PAFAH1B2: variants seen among roughly 807,000 people sequenced by gnomAD.
PAFAH1B2 encodes the protein platelet activating factor acetylhydrolase 1b catalytic subunit 2.
Under a neutral mutation model 28.0 loss-of-function variants are expected in PAFAH1B2, and 8 were observed. The observed-to-expected ratio is 0.29, with a 90% CI of 0.17 to 0.52. PAFAH1B2 has a LOEUF of 0.52. PAFAH1B2 is among the 20% of genes least tolerant of loss of function. The probability of loss-of-function intolerance (pLI) is 0.97; values close to 1 mark genes in which losing one functional copy is unlikely to be tolerated. For synonymous variants in PAFAH1B2, 104 were observed against 103.2 expected, an observed-to-expected ratio of 1.01 and a Z score of -0.05; for missense variants, 190 against 282.6, an observed-to-expected ratio of 0.67 and a Z score of 2.35.
chr11:117,149,754 A>G (rs7115562), intron 1 of PAFAH1B2, among the ~76,000 whole-genome samples: 113,784 of 151,722 alleles, frequency 0.75, 43,339 homozygotes, highest in Non-Finnish European at 0.82. Flanking sequence ...ATCTATAAAA[A>G]GAAAAAATAG....
intron 1 of PAFAH1B2, 42 bp from the exon 2 acceptor site, chr11:117,152,399 T>G (rs1452698214): frequency 8.4e-7 from 1 of 1,192,978 alleles, no homozygotes; most frequent in Non-Finnish European, 1.3e-6. Flanking sequence ...TAACAAACCT[T>G]CCTGTTAACA....
chr11:117,168,706 G>A lies in PAFAH1B2; in HGVS notation c.*1007G>A. On this transcript the variant is annotated 3_prime_UTR_variant, in exon 6 of 6. Coordinates refer to ENST00000527958, the MANE Select transcript of PAFAH1B2 (RefSeq NM_002572.4). ...GGGGGTGGGGGGATTCAGAACTCTT[G>A]TTTCCCATTCCATAGCACCTGACAT... 1.9e-6 allele frequency: 2 copies of A among 1,059,452 alleles called. No individual in the cohort carries two copies. The highest frequency in any genetic ancestry group is 2.3e-6 in the Non-Finnish European group (2 of 875,098). 65.6% of individuals were successfully genotyped at this position (1,059,452 alleles called of 1,614,324 possible).
chr11:117,144,491 G>T, intron 1 of PAFAH1B2, 73 bp downstream of exon 1: 1 of 191,590 alleles, frequency 5.2e-6, no homozygotes, highest in Admixed American at 5.7e-5. Flanking sequence ...AGGTGTTATT[G>T]TGAGAGGCCC....
chr11:117,149,440 T>G lies in PAFAH1B2; in HGVS notation c.-7-3001T>G, dbSNP rs866247358. Among the ~76,000 whole-genome samples the G allele has an allele frequency of 3.8e-5, 5 of 132,128 alleles. 1 individual carries two copies. The highest frequency in any genetic ancestry group is 8.5e-5 in the African/African-American group (3 of 35,474). 86.7% of individuals were successfully genotyped at this position (132,128 alleles called of 152,430 possible). On this transcript the variant is annotated intron_variant, in intron 1 of 5. Transcript: ENST00000527958. ...AAAAGTTTTCTAATCGTTTTTTTTT[T>G]TTTTGAGATGGAGTCTCGCTCTGTC...
intron 1 of PAFAH1B2, among the ~76,000 whole-genome samples, chr11:117,151,944 T>A (rs1011534575): frequency 1.3e-5 from 2 of 152,168 alleles, no homozygotes; most frequent in African/African-American, 4.8e-5. Context: ...CCTGACCTCG[T>A]GATCCACCTG....
chr11:117,175,948 G>A, downstream of PAFAH1B2: 2 of 1,533,498 alleles, frequency 1.3e-6, no homozygotes, highest in Non-Finnish European at 8.7e-7. Flanking sequence ...TGAAAGAAAA[G>A]TCCAGATGGA....
At chr11:117,155,682 A>G (rs1057145314) in intron 2 of PAFAH1B2, among the ~76,000 whole-genome samples, 1 of 152,116 alleles carries the variant, frequency 6.6e-6, no homozygotes, top group African/African-American at 2.4e-5. Context: ...TTTCCAGTGT[A>G]GGAAAAATTA....
At chr11:117,160,330 T>C (rs186234837) in intron 3 of PAFAH1B2, among the ~76,000 whole-genome samples, 1 of 152,314 alleles carries the variant, frequency 6.6e-6, no homozygotes, top group African/African-American at 2.4e-5. Flanking sequence ...ATCTTAGTAT[T>C]TCCTATTTGT....
downstream of PAFAH1B2, among the ~76,000 whole-genome samples, chr11:117,174,328 C>T (rs1243155603): frequency 4.0e-5 from 6 of 151,560 alleles, no homozygotes; most frequent in African/African-American, 1.5e-4. Flanking sequence ...GGATTACAGG[C>T]GCCTGCCACC....
downstream of PAFAH1B2, chr11:117,171,850 T>TA: frequency 1.1e-6 from 1 of 921,186 alleles, no homozygotes; most frequent in Non-Finnish European, 1.6e-6. Context: ...ACTGTTGGAT[T>TA]AAAATGATTT....
downstream of PAFAH1B2, among the ~76,000 whole-genome samples, chr11:117,172,379 TA>T (rs2134231587): frequency 6.0e-4 from 2 of 3,360 alleles, no homozygotes; most frequent in Non-Finnish European, 1.4e-3. Flanking sequence ...TATATATATA[TA>T]TATATATATA....
chr11:117,177,938 A>G (rs1232241466), downstream of PAFAH1B2, among the ~76,000 whole-genome samples: 1 of 152,208 alleles, frequency 6.6e-6, no homozygotes. Flanking sequence ...GCATTTAACC[A>G]ATCCCTCATT....
At chr11:117,157,837 G>A (rs1347275992) in intron 2 of PAFAH1B2, among the ~76,000 whole-genome samples, 1 of 152,150 alleles carries the variant, frequency 6.6e-6, no homozygotes, top group Admixed American at 6.6e-5. Context: ...TTTAAGGGAT[G>A]AATATAAAAG....
At chr11:117,174,913 C>A, downstream of PAFAH1B2, 1 of 1,526,764 alleles carries the variant, frequency 6.5e-7, no homozygotes, top group African/African-American at 1.4e-5. Context: ...CCGCACCAGG[C>A]CATCTTCAGG....
At chr11:117,153,896 T>G (rs1020670536) in intron 2 of PAFAH1B2, among the ~76,000 whole-genome samples, 9 of 151,946 alleles carry the variant, frequency 5.9e-5, no homozygotes, top group African/African-American at 2.2e-4. Flanking sequence ...CATATTCAGA[T>G]TTCTCCAGTT....
chr11:117,174,162 TTTTGTGTGTGTGTG>T (rs1956729429), downstream of PAFAH1B2, among the ~76,000 whole-genome samples: 1 of 84,948 alleles, frequency 1.2e-5, no homozygotes, highest in African/African-American at 3.8e-5. Context: ...TCTTCATGTC[TTTTGTGTGTGTGTG>T]TGTGTGTGTG....
rs372138501 is a variant in PAFAH1B2 at position 117,159,898 on chromosome 11, C to T, written c.82-36C>T. ...GGGCCACCACACCCAGCCAGAAGTG[C>T]CAGTTAATAATTTTTTTTTTTCTTC... On this transcript the variant is annotated intron_variant, in intron 2 of 5. Coordinates refer to ENST00000527958, the MANE Select transcript of PAFAH1B2 (RefSeq NM_002572.4). 5.2e-5 allele frequency: 76 copies of T among 1,450,156 alleles called. No homozygotes were observed. In the African/African-American group the frequency reaches 8.5e-4, roughly 16 times the overall value. 89.8% of individuals were successfully genotyped at this position (1,450,156 alleles called of 1,614,324 possible). A position where few individuals can be genotyped will look rare whatever the true frequency, so the allele number is the denominator to read the frequency against.
intron 1 of PAFAH1B2, among the ~76,000 whole-genome samples, chr11:117,150,848 C>G (rs1024998710): frequency 6.6e-6 from 1 of 151,836 alleles, no homozygotes; most frequent in Non-Finnish European, 1.5e-5. Context: ...ATTAGCTGGG[C>G]GTGGTGGCGG....
chr11:117,160,318 G>A (rs1956345810), intron 3 of PAFAH1B2, among the ~76,000 whole-genome samples: 2 of 152,008 alleles, frequency 1.3e-5, no homozygotes, highest in African/African-American at 2.4e-5. Flanking sequence ...GTTATTATTT[G>A]TATCTTAGTA....
Sources: gnomAD v4.1 joint callset for allele counts (sites outside exome capture counted in the v4.1 genomes callset) on GRCh38, gnomAD v4.1.1 for gene constraint, MANE v1.5 for transcripts, NCBI Gene and HGNC (gene_info 2026-07-23, HGNC 2026-07-21) for gene names.